SMAD3: variants seen among roughly 807,000 people sequenced by gnomAD.
SMAD3 encodes MAD homolog 3.
Under a neutral mutation model 51.8 loss-of-function variants are expected in SMAD3, and 12 were observed. The ratio of observed to expected loss-of-function variants is 0.23; its 90% CI spans 0.15 to 0.38. SMAD3 has a LOEUF of 0.38. Among genes scored for constraint, SMAD3 ranks in the 10% least tolerant of loss-of-function variants. SMAD3 has a pLI of 1.00. For missense variants in SMAD3, 294 were observed against 565.6 expected (o/e 0.52, Z 4.87); for synonymous variants, 238 against 227.7 (o/e 1.05, Z -0.41).
chr15:67,128,571 T>C (rs1460953316), intron 1 of SMAD3, among the ~76,000 whole-genome samples: 6 of 152,082 alleles, frequency 3.9e-5, no homozygotes, highest in Non-Finnish European at 8.8e-5. Flanking sequence ...TTAAGATTTC[T>C]AAGAGTTTGT....
intron 1 of SMAD3, among the ~76,000 whole-genome samples, chr15:67,163,369 A>C (rs1355660133): frequency 6.6e-6 from 1 of 152,138 alleles, no homozygotes; most frequent in African/African-American, 2.4e-5. Flanking sequence ...TTAGTGTCAC[A>C]CATAATAGGT....
intron 8 of SMAD3, among the ~76,000 whole-genome samples, chr15:67,188,148 CTTTTTTTTTTTT>C (rs11367565): frequency 1.6e-4 from 18 of 116,004 alleles, no homozygotes. Flanking sequence ...TTTTCTTTTT[CTTTTTTTTTTTT>C]TTTTTTTTTG....
chr15:67,178,646 C>T (rs1595954162), intron 5 of SMAD3, among the ~76,000 whole-genome samples: 1 of 150,206 alleles, frequency 6.7e-6, no homozygotes, highest in East Asian at 2.0e-4. Flanking sequence ...ATTGCTTGAC[C>T]ACTCTGAATG....
chr15:67,082,320 T>C (rs77577061), intron 1 of SMAD3, among the ~76,000 whole-genome samples: 1 of 152,168 alleles, frequency 6.6e-6, no homozygotes, highest in African/African-American at 2.4e-5. Flanking sequence ...CAAGCCAGGT[T>C]GTTTCAGGTT....
intron 1 of SMAD3, among the ~76,000 whole-genome samples, chr15:67,072,693 G>A (rs1309553101): frequency 6.6e-6 from 1 of 152,162 alleles, no homozygotes; most frequent in Non-Finnish European, 1.5e-5. Flanking sequence ...TGAATGGCTG[G>A]TGCAGTGTTG....
At chr15:67,179,906 G>C (rs2140312369) in intron 5 of SMAD3, among the ~76,000 whole-genome samples, 1 of 152,226 alleles carries the variant, frequency 6.6e-6, no homozygotes, top group South Asian at 2.1e-4. Flanking sequence ...ATGTCAGCCT[G>C]GGCCCTGGGA....
intron 1 of SMAD3, among the ~76,000 whole-genome samples, chr15:67,148,774 C>G (rs1962045921): frequency 6.6e-6 from 1 of 152,226 alleles, no homozygotes; most frequent in African/African-American, 2.4e-5. Flanking sequence ...TGCTTATTTC[C>G]TACGTCTTCT....
At position 67,164,986 on chromosome 15, in the gene SMAD3, C is replaced by T; in HGVS notation, c.298C>T (p.His100Tyr). 1 of 1,614,098 alleles carries T rather than the reference C, an allele frequency of 6.2e-7. No individual in the cohort carries two copies. The highest frequency in any genetic ancestry group is 8.5e-7 in the Non-Finnish European group (1 of 1,180,020). The part of the protein sequence containing the change: ...RLWRWPDLHS[H>Y]HELRAMELCE... ...GTGGCGATGGCCAGACCTGCACAGC[C>T]ACCACGAGCTACGGGCCATGGAGCT... The change falls in exon 2 of 9, where the codon CAC becomes TAC. Residue 100 changes from histidine to tyrosine, a missense_variant. Coordinates refer to ENST00000327367, the MANE Select transcript of SMAD3 (RefSeq NM_005902.4).
chr15:67,100,627 CAT>C (rs1227446608), intron 1 of SMAD3, among the ~76,000 whole-genome samples: 3 of 151,802 alleles, frequency 2.0e-5, no homozygotes, highest in African/African-American at 4.8e-5. Flanking sequence ...TTGTGATAAA[CAT>C]ATAAATTGAT....
intron 1 of SMAD3, among the ~76,000 whole-genome samples, chr15:67,132,701 C>G (rs1182581763): frequency 6.6e-6 from 1 of 152,178 alleles, no homozygotes; most frequent in Non-Finnish European, 1.5e-5. Context: ...GTTGCCCTCC[C>G]AGAACTGTTG....
intron 8 of SMAD3, 80 bp downstream of exon 8, chr15:67,187,589 G>A (rs1351614608): frequency 4.5e-6 from 7 of 1,543,984 alleles, no homozygotes; most frequent in Middle Eastern, 1.7e-4. Context: ...GCTCCTCAGA[G>A]ATGAGCTAGG....
At chr15:67,171,159 CTG>C (rs1962741048) in intron 5 of SMAD3, among the ~76,000 whole-genome samples, 1 of 152,214 alleles carries the variant, frequency 6.6e-6, no homozygotes, top group Non-Finnish European at 1.5e-5. Flanking sequence ...ATATATATCT[CTG>C]TGCCTTGCCA....
intron 1 of SMAD3, chr15:67,142,958 T>C (rs1010271630): frequency 8.3e-6 from 3 of 361,662 alleles, no homozygotes; most frequent in African/African-American, 6.4e-5. Flanking sequence ...CTCTGGCATG[T>C]CCTTTTGCTC....
chr15:67,180,806 CTG>C (rs1452155976), intron 5 of SMAD3, among the ~76,000 whole-genome samples: 1 of 152,016 alleles, frequency 6.6e-6, no homozygotes, highest in Non-Finnish European at 1.5e-5. Flanking sequence ...TGAGAGGTGA[CTG>C]TGCAGGAGGT....
At chr15:67,079,922 G>T (rs1465580988) in intron 1 of SMAD3, among the ~76,000 whole-genome samples, 1 of 152,218 alleles carries the variant, frequency 6.6e-6, no homozygotes, top group Admixed American at 6.5e-5. Context: ...TTAAGTCTCA[G>T]GCTAAGGGCT....
chr15:67,074,714 G>A (rs1308659912), intron 1 of SMAD3, among the ~76,000 whole-genome samples: 1 of 152,106 alleles, frequency 6.6e-6, no homozygotes, highest in Non-Finnish European at 1.5e-5. Context: ...TTTTGAGACG[G>A]AGTCTTGCTG....
intron 1 of SMAD3, among the ~76,000 whole-genome samples, chr15:67,146,726 T>C (rs1253451493): frequency 1.3e-5 from 2 of 152,168 alleles, no homozygotes; most frequent in Non-Finnish European, 2.9e-5. Context: ...TTAGAGCCTG[T>C]AGCTGCCTCT....
rs1566997421 is a variant in SMAD3, at chr15:67,177,232, G to GTA, written c.659-4008_659-4007insAT. On this transcript the variant is annotated intron_variant, in intron 5 of 8. Coordinates refer to ENST00000327367, the MANE Select transcript of SMAD3 (RefSeq NM_005902.4). Reference sequence around the variant, plus strand: ...TCCACCAACCAGAGCCATAGACCATGTCATGTTCCCTTTTTGTCTTGTCTA... The same window carrying GTA: ...TCCACCAACCAGAGCCATAGACCATGTATCATGTTCCCTTTTTGTCTTGTCTA... Among the ~76,000 whole-genome samples the GTA allele has an allele frequency of 1.7e-4, 26 of 151,498 alleles. No homozygotes were observed. The East Asian group carries it at 3.5e-3, about 20-fold the overall frequency.
chr15:67,122,064 G>A (rs759896849), intron 1 of SMAD3, among the ~76,000 whole-genome samples: 1 of 152,316 alleles, frequency 6.6e-6, no homozygotes, highest in African/African-American at 2.4e-5. Context: ...CTCATATAGA[G>A]CAGCACGTTT....
Sources: gnomAD v4.1 joint callset for allele counts (sites outside exome capture counted in the v4.1 genomes callset) on GRCh38, gnomAD v4.1.1 for gene constraint, MANE v1.5 for transcripts, NCBI Gene and HGNC (gene_info 2026-07-23, HGNC 2026-07-21) for gene names.